RRAGD: variants seen among roughly 807,000 people sequenced by gnomAD.
RRAGD encodes ras-related GTP-binding protein D.
Under a neutral mutation model 35.5 loss-of-function variants are expected in RRAGD, and 12 were observed. That is an observed-to-expected ratio of 0.34 (90% CI 0.22 to 0.55). The LOEUF (loss-of-function observed/expected upper bound fraction) is 0.55. RRAGD is among the 20% of genes least tolerant of loss of function. RRAGD has a pLI of 0.91. For synonymous variants in RRAGD, 155 were observed against 178.9 expected, an observed-to-expected ratio of 0.87 and a Z score of 1.07; for missense variants, 324 against 490.1, an observed-to-expected ratio of 0.66 and a Z score of 3.20.
chr6:89,377,624 TGAAG>T (rs768540209), intron 5 of RRAGD, 43 bp downstream of exon 5: 1 of 1,480,862 alleles, frequency 6.8e-7, no homozygotes, highest in Non-Finnish European at 9.0e-7. Context: ...TGAAAGGTTA[TGAAG>T]GAAGGATGGC....
chr6:89,365,137 T>C lies in RRAGD; in HGVS notation c.*2919A>G, dbSNP rs1480282658. The C allele has an allele frequency of 1.3e-5, 2 of 152,230 alleles. No homozygotes were observed. The highest frequency in any genetic ancestry group is 4.8e-5 in the African/African-American group (2 of 41,462). The allele number at this position is 152,230 out of a possible 1,614,324, so 9.4% of individuals were successfully genotyped here. ...TAGTCATATTTAAGGGTCCAAAATA[T>C]GTTCACAAAAGAACAGTTTGTGAAT... On this transcript the variant is annotated 3_prime_UTR_variant, in exon 7 of 7. Coordinates refer to ENST00000369415, the MANE Select transcript of RRAGD (RefSeq NM_021244.5).
In RRAGD at chr6:89,412,123, C is replaced by A. The variant is rs1186354158; in HGVS notation, c.-130G>T. 1 of 892,328 alleles carries A rather than the reference C, an allele frequency of 1.1e-6. No homozygotes were observed. Among genetic ancestry groups the A allele is most frequent in the South Asian group, 4.0e-5 (1 of 25,046 alleles). The allele number at this position is 892,328 out of a possible 1,614,324, so 55.3% of individuals were successfully genotyped here. A position where few individuals can be genotyped will look rare whatever the true frequency, so the allele number is the denominator to read the frequency against. ...AGAGCTCAGCGGGGCCCGGCGGAAG[C>A]GGGGGCCGCGCGTCCCCCGGCGGGC... On this transcript the variant is annotated 5_prime_UTR_variant, in exon 1 of 7. Transcript: ENST00000369415. This position sits in a 1 kb window ranked among gnomAD's most constrained non-coding sequence, Gnocchi z 4.2.
At chr6:89,399,994 A>G (rs1043644741) in intron 1 of RRAGD, among the ~76,000 whole-genome samples, 2 of 152,042 alleles carry the variant, frequency 1.3e-5, no homozygotes, top group Non-Finnish European at 2.9e-5. Context: ...TAAACTGCCC[A>G]AGGTCATATG....
chr6:89,386,528 G>A (rs1004378518), intron 2 of RRAGD, among the ~76,000 whole-genome samples: 1 of 152,188 alleles, frequency 6.6e-6, no homozygotes, highest in Non-Finnish European at 1.5e-5. Flanking sequence ...TACTCTGGAA[G>A]CCTGTTGTTA....
intron 4 of RRAGD, among the ~76,000 whole-genome samples, 194 bp downstream of exon 4, chr6:89,379,030 G>A (rs1768997348): frequency 6.6e-6 from 1 of 152,230 alleles, no homozygotes; most frequent in African/African-American, 2.4e-5. Flanking sequence ...TCCCAAAGTG[G>A]GGCGTGAGCC....
Position 89,400,765 on chromosome 6 carries a change from C to T in RRAGD, c.148+11081G>A, listed in dbSNP as rs149930323. On this transcript the variant is annotated intron_variant, in intron 1 of 6. Transcript: ENST00000369415. Reference sequence around the variant, plus strand: ...CCACCAACACCTCCCTAGGCATTACCCTCTGCCTCAGGCTTCTAGGTAGGC... The same window carrying T: ...CCACCAACACCTCCCTAGGCATTACTCTCTGCCTCAGGCTTCTAGGTAGGC... 5.3e-5 allele frequency among the ~76,000 whole-genome samples: 8 copies of T among 152,218 alleles called. No individual in the cohort carries two copies. In the East Asian group the frequency reaches 1.5e-3, roughly 29 times the overall value.
At chr6:89,388,867 A>T (rs1582514380) in intron 1 of RRAGD, among the ~76,000 whole-genome samples, 1 of 152,254 alleles carries the variant, frequency 6.6e-6, no homozygotes, top group Admixed American at 6.5e-5. Flanking sequence ...ATGACAGATC[A>T]TCAGGCACTG....
chr6:89,405,270 C>A (rs1211976918), intron 1 of RRAGD, among the ~76,000 whole-genome samples: 1 of 140,676 alleles, frequency 7.1e-6, no homozygotes, highest in Non-Finnish European at 1.5e-5. Context: ...AGGAGAATGG[C>A]GTGAACCTGG....
In RRAGD at chr6:89,411,530, A is replaced by C; in HGVS notation, c.148+316T>G. 6.1e-6 allele frequency: 2 copies of C among 327,848 alleles called. No homozygotes were observed. The highest frequency in any genetic ancestry group is 5.7e-6 in the Non-Finnish European group (1 of 175,442). The allele number at this position is 327,848 out of a possible 1,614,324, so 20.3% of individuals were successfully genotyped here. A position where few individuals can be genotyped will look rare whatever the true frequency, so the allele number is the denominator to read the frequency against. ...CCTCCCCAACCGCCAGACGCTGCGGAGAGCTTGGGGTGAGGGGCGCGGGAG... is the reference window on the plus strand; with the variant it reads ...CCTCCCCAACCGCCAGACGCTGCGGCGAGCTTGGGGTGAGGGGCGCGGGAG... On this transcript the variant is annotated intron_variant, in intron 1 of 6. Coordinates refer to ENST00000369415, the MANE Select transcript of RRAGD (RefSeq NM_021244.5). The surrounding 1 kb of genome is among the most constrained non-coding windows in gnomAD (Gnocchi z 5.6).
chr6:89,403,569 G>A (rs558472213), intron 1 of RRAGD, among the ~76,000 whole-genome samples: 3 of 151,410 alleles, frequency 2.0e-5, no homozygotes, highest in African/African-American at 7.3e-5. Flanking sequence ...TTTATCTGGG[G>A]ATATATATAT....
In RRAGD at chr6:89,383,472, A is replaced by G. The variant is rs185286444; in HGVS notation, c.445-3105T>C. Among the ~76,000 whole-genome samples, 123 of 152,332 alleles carry G rather than the reference A, an allele frequency of 8.1e-4. 1 individual carries two copies. The highest frequency in any genetic ancestry group is 2.8e-3 in the African/African-American group (118 of 41,572). ...TTCCCATCGTTTATTACTTTCTTTGACAAATAAAAATTAAGGTAAAATACA... is the reference window on the plus strand; with the variant it reads ...TTCCCATCGTTTATTACTTTCTTTGGCAAATAAAAATTAAGGTAAAATACA... On this transcript the variant is annotated intron_variant, in intron 2 of 6. Transcript: ENST00000369415.
intron 1 of RRAGD, among the ~76,000 whole-genome samples, chr6:89,400,038 C>T (rs1398048303): frequency 2.0e-5 from 3 of 152,150 alleles, no homozygotes; most frequent in African/African-American, 7.2e-5. Flanking sequence ...CCAGAACCTT[C>T]ACCACCAATC....
intron 6 of RRAGD, among the ~76,000 whole-genome samples, chr6:89,370,578 A>G (rs73506067): frequency 0.019 from 2,857 of 152,322 alleles, 80 homozygotes; most frequent in African/African-American, 0.064. Context: ...ATTCCACTTT[A>G]AATTTTTCCT....
Position 89,368,119 on chromosome 6 carries a change from AACCT to A in RRAGD, c.1136_1139del (p.Lys379IlefsTer23). The A allele has an allele frequency of 6.2e-7, 1 of 1,614,002 alleles. No homozygotes were observed. The highest frequency in any genetic ancestry group is 1.3e-5 in the African/African-American group (1 of 75,032). On this transcript the variant is annotated frameshift_variant, in exon 7 of 7. Coordinates refer to ENST00000369415, the MANE Select transcript of RRAGD (RefSeq NM_021244.5). LOFTEE classifies it high-confidence loss of function. ...TCTTTTTCTTCTGCAGCCGATTCTG[AACCT>A]TTCGAGATTTTACTACTTTCATTCT...
intron 1 of RRAGD, among the ~76,000 whole-genome samples, chr6:89,390,705 C>T (rs953778507): frequency 6.6e-6 from 1 of 152,150 alleles, no homozygotes; most frequent in Non-Finnish European, 1.5e-5. Flanking sequence ...TGAGACCAGC[C>T]TGGCCAACAT....
rs1394455677 is a variant in RRAGD at position 89,407,098 on chromosome 6, C to A, written c.148+4748G>T. Among the ~76,000 whole-genome samples the A allele has an allele frequency of 2.0e-5, 3 of 152,300 alleles. No homozygotes were observed. The Middle Eastern group carries it at 0.01, about 518-fold the overall frequency. On this transcript the variant is annotated intron_variant, in intron 1 of 6. Transcript: ENST00000369415. ...TGCACTAAGGTTGGCTTTACGCAGT[C>A]CTCTATTTTATACACTGAGAAATGG...
chr6:89,395,956 G>A (rs1425457671), intron 1 of RRAGD, among the ~76,000 whole-genome samples: 2 of 129,588 alleles, frequency 1.5e-5, no homozygotes, highest in East Asian at 4.4e-4. Context: ...GGACCAACTG[G>A]ACATCCATAT....
intron 1 of RRAGD, among the ~76,000 whole-genome samples, chr6:89,398,671 C>A (rs973554086): frequency 2.0e-5 from 3 of 152,180 alleles, no homozygotes; most frequent in African/African-American, 4.8e-5. Flanking sequence ...TATGAAGGTG[C>A]CTACAATGTG....
intron 1 of RRAGD, among the ~76,000 whole-genome samples, chr6:89,398,689 C>T (rs1265871884): frequency 6.6e-6 from 1 of 152,222 alleles, no homozygotes; most frequent in Non-Finnish European, 1.5e-5. Context: ...GTGCCAGGCA[C>T]TACTTTAGGC....
Sources: allele counts gnomAD v4.1 joint callset (sites outside exome capture counted in the v4.1 genomes callset), GRCh38; gene constraint gnomAD v4.1.1; non-coding constraint Gnocchi (gnomAD v3.1); transcripts MANE v1.5; gene names NCBI Gene and HGNC (gene_info 2026-07-23, HGNC 2026-07-21).